AUTS2: variants seen among roughly 807,000 people sequenced by gnomAD.
The protein encoded by AUTS2 is activator of transcription and developmental regulator AUTS2.
AUTS2 carries 17 observed loss-of-function variants against 112.4 expected under a neutral mutation model. The ratio of observed to expected loss-of-function variants is 0.15; its 90% CI spans 0.10 to 0.23. The LOEUF is 0.23. AUTS2 is among the 10% of genes least tolerant of loss of function. AUTS2 has a pLI of 1.00. For synonymous variants in AUTS2, 751 were observed against 702.7 expected, an observed-to-expected ratio of 1.07 and a Z score of -1.09; for missense variants, 1,510 against 1,701.6, an observed-to-expected ratio of 0.89 and a Z score of 1.98.
At chr7:69,794,565 G>A (rs1185106550) in intron 1 of AUTS2, among the ~76,000 whole-genome samples, 1 of 152,116 alleles carries the variant, frequency 6.6e-6, no homozygotes. Context: ...CTATAAGTAT[G>A]CATGCTTCAT....
intron 2 of AUTS2, among the ~76,000 whole-genome samples, chr7:70,009,279 C>A (rs554937959): frequency 6.6e-6 from 1 of 152,170 alleles, no homozygotes; most frequent in Non-Finnish European, 1.5e-5. Context: ...AGTGACCCCA[C>A]GATCTAATCA....
At chr7:69,877,868 C>T (rs986491304) in intron 1 of AUTS2, among the ~76,000 whole-genome samples, 1 of 152,124 alleles carries the variant, frequency 6.6e-6, no homozygotes, top group Non-Finnish European at 1.5e-5. Context: ...ATCCCTGAGG[C>T]ACGTAGTGAA....
intron 5 of AUTS2, among the ~76,000 whole-genome samples, chr7:70,533,668 A>C (rs1363604029): frequency 6.6e-6 from 1 of 152,190 alleles, no homozygotes; most frequent in Non-Finnish European, 1.5e-5. Context: ...GACACTAATA[A>C]AATCACAGAA....
At chr7:70,692,519 T>G (rs189395050) in intron 5 of AUTS2, among the ~76,000 whole-genome samples, 1 of 152,248 alleles carries the variant, frequency 6.6e-6, no homozygotes, top group African/African-American at 2.4e-5. Flanking sequence ...TTGTGACATC[T>G]TGTAAGCAAC....
At chr7:70,529,769 G>C (rs575415110) in intron 5 of AUTS2, among the ~76,000 whole-genome samples, 1 of 152,130 alleles carries the variant, frequency 6.6e-6, no homozygotes, top group East Asian at 1.9e-4. Flanking sequence ...CCTTCTAGGG[G>C]GTGGGATCAG....
At chr7:69,620,236 C>T (rs538288717) in intron 1 of AUTS2, among the ~76,000 whole-genome samples, 47 of 152,208 alleles carry the variant, frequency 3.1e-4, no homozygotes, top group African/African-American at 1.1e-3. Context: ...AGAAGGAGGG[C>T]GGAAAACGAA....
intron 5 of AUTS2, among the ~76,000 whole-genome samples, chr7:70,501,687 A>C (rs1798778336): frequency 6.6e-6 from 1 of 152,034 alleles, no homozygotes; most frequent in Non-Finnish European, 1.5e-5. Context: ...CAGTGTCATG[A>C]ACCTCCCCCT....
chr7:70,550,101 T>A (rs1800957937), intron 5 of AUTS2, among the ~76,000 whole-genome samples: 1 of 152,166 alleles, frequency 6.6e-6, no homozygotes, highest in African/African-American at 2.4e-5. Flanking sequence ...CATTTAAATA[T>A]CCCATGTATA....
At chr7:69,948,440 AT>A (rs1280508507) in intron 2 of AUTS2, among the ~76,000 whole-genome samples, 1 of 152,224 alleles carries the variant, frequency 6.6e-6, no homozygotes, top group African/African-American at 2.4e-5. Context: ...AATTAAGCAA[AT>A]AAAAACATAC....
chr7:70,071,060 A>G (rs1802745177), intron 2 of AUTS2, among the ~76,000 whole-genome samples: 1 of 152,126 alleles, frequency 6.6e-6, no homozygotes, highest in South Asian at 2.1e-4. Context: ...GACTCTTAGG[A>G]CCTTTCTGTG....
chr7:69,761,313 C>T (rs1788175552), intron 1 of AUTS2, among the ~76,000 whole-genome samples: 1 of 152,146 alleles, frequency 6.6e-6, no homozygotes, highest in Admixed American at 6.6e-5. Flanking sequence ...ATGTAACATC[C>T]ACTAACTTTG....
chr7:70,545,149 C>T (rs906741686), intron 5 of AUTS2, among the ~76,000 whole-genome samples: 10 of 152,152 alleles, frequency 6.6e-5, no homozygotes, highest in East Asian at 1.9e-4. Context: ...TCCAAATCAT[C>T]GGTAGGAAGA....
intron 4 of AUTS2, among the ~76,000 whole-genome samples, chr7:70,155,277 A>G (rs1807683667): frequency 6.6e-6 from 1 of 152,170 alleles, no homozygotes; most frequent in Admixed American, 6.5e-5. Context: ...AATCTCAGTC[A>G]GGATTCTACT....
intron 5 of AUTS2, among the ~76,000 whole-genome samples, chr7:70,444,154 C>A (rs116735951): frequency 2.0e-5 from 3 of 152,138 alleles, no homozygotes; most frequent in Non-Finnish European, 4.4e-5. Context: ...CCTGAGCCAC[C>A]TGAATACCAG....
chr7:69,951,335 T>C (rs1318079887), intron 2 of AUTS2, among the ~76,000 whole-genome samples: 1 of 152,050 alleles, frequency 6.6e-6, no homozygotes, highest in African/African-American at 2.4e-5. Context: ...AAGTTTTTAG[T>C]CTTCAGAGAA....
chr7:69,907,937 T>C (rs1795210803), intron 2 of AUTS2, among the ~76,000 whole-genome samples: 1 of 152,236 alleles, frequency 6.6e-6, no homozygotes, highest in Non-Finnish European at 1.5e-5. Context: ...GTAGCATTAC[T>C]GAAATGGTAG....
At chr7:69,611,165 T>C (rs1473208352) in intron 1 of AUTS2, among the ~76,000 whole-genome samples, 1 of 152,178 alleles carries the variant, frequency 6.6e-6, no homozygotes, top group Non-Finnish European at 1.5e-5. Context: ...CTGTTGAAAA[T>C]AGTTATTTTT....
intron 7 of AUTS2, 93 bp downstream of exon 7, chr7:70,763,434 G>A: frequency 1.1e-6 from 1 of 891,162 alleles, no homozygotes; most frequent in Non-Finnish European, 1.7e-6. Context: ...GGAGACTGAG[G>A]TTTCCTTGTT....
In AUTS2 at chr7:69,929,665, C is replaced by T. The variant is rs75698817; in HGVS notation, c.522+30167C>T. ...TCCTATTCAATGTGTTTTTCATCTC[C>T]GACAGCAGTTTCATTTCTAAAGATT... On this transcript the variant is annotated intron_variant, in intron 2 of 18. Coordinates refer to ENST00000342771, the MANE Select transcript of AUTS2 (RefSeq NM_015570.4). Among the ~76,000 whole-genome samples the T allele has an allele frequency of 3.0e-3, 453 of 152,188 alleles. 5 individuals carry two copies. Among genetic ancestry groups the T allele is most frequent in the African/African-American group, 0.01 (433 of 41,520 alleles).
Sources: allele counts gnomAD v4.1 joint callset (sites outside exome capture counted in the v4.1 genomes callset), GRCh38; gene constraint gnomAD v4.1.1; transcripts MANE v1.5; gene names NCBI Gene and HGNC (gene_info 2026-07-23, HGNC 2026-07-21).